PTH2R: variants seen among roughly 807,000 people sequenced by gnomAD.
The protein encoded by PTH2R is PTH2 receptor.
Under a neutral mutation model 60.3 loss-of-function variants are expected in PTH2R, and 59 were observed. The ratio of observed to expected loss-of-function variants is 0.98; its 90% CI spans 0.79 to 1.22. PTH2R has a LOEUF of 1.22. Ranked by LOEUF, PTH2R falls within the 50% of genes most tolerant of loss-of-function variation. The probability of loss-of-function intolerance (pLI) is 0.00; values close to 1 mark genes in which losing one functional copy is unlikely to be tolerated. For synonymous variants in PTH2R, 256 were observed against 243.8 expected (o/e 1.05, Z -0.47); for missense variants, 749 against 682.6 (o/e 1.10, Z -1.08).
Position 208,407,033 on chromosome 2 carries a change from C to G in PTH2R, c.-11C>G. 1 of 1,391,406 alleles carries G rather than the reference C, an allele frequency of 7.2e-7. No individual in the cohort carries two copies. The highest frequency in any genetic ancestry group is 1.9e-5 in the South Asian group (1 of 51,622). The allele number at this position is 1,391,406 out of a possible 1,614,324, so 86.2% of individuals were successfully genotyped here. ...GGAGGGTCCCTGCTTCTTCCTACAG[C>G]CGTTCCGGGCATGGCCGGGCTGGGG... On this transcript the variant is annotated 5_prime_UTR_variant, in exon 1 of 13. Coordinates refer to ENST00000272847, the MANE Select transcript of PTH2R (RefSeq NM_005048.4).
At chr2:208,365,927 TA>T (rs1559198704) in intron 1 of PTH2R, among the ~76,000 whole-genome samples, 1 of 53,412 alleles carries the variant, frequency 1.9e-5, no homozygotes, top group African/African-American at 8.9e-5. Context: ...ATATAATAGA[TA>T]AATATATATA....
chr2:208,424,608 G>A (rs1163766690), intron 1 of PTH2R, among the ~76,000 whole-genome samples: 1 of 152,162 alleles, frequency 6.6e-6, no homozygotes, highest in Non-Finnish European at 1.5e-5. Flanking sequence ...GTCCCTTGGT[G>A]CTGAGATGCA....
At chr2:208,482,066 A>C (rs1703165129) in intron 10 of PTH2R, among the ~76,000 whole-genome samples, 1 of 152,196 alleles carries the variant, frequency 6.6e-6, no homozygotes, top group Non-Finnish European at 1.5e-5. Flanking sequence ...TTGGCTTTAT[A>C]ATCTCCAGTT....
At chr2:208,390,775 TA>T (rs1052606819) in intron 1 of PTH2R, among the ~76,000 whole-genome samples, 26 of 152,268 alleles carry the variant, frequency 1.7e-4, no homozygotes, top group African/African-American at 5.8e-4. Flanking sequence ...GCATAGTAAA[TA>T]ATTTCCATCA....
rs1186031352 is a variant in PTH2R, at chr2:208,450,770, C to T, written c.875C>T (p.Ala292Val). The T allele has an allele frequency of 6.2e-7, 1 of 1,613,918 alleles. No individual in the cohort carries two copies. Among genetic ancestry groups the T allele is most frequent in the East Asian group, 2.2e-5 (1 of 44,874 alleles). The change falls in exon 8 of 13, where the codon GCA (alanine) becomes GTA (valine). Residue 292 changes from alanine (A) to valine (V), a missense_variant. Transcript: ENST00000272847. ...TCAGGGTTTCCAGCAGCATTTGTTG[C>T]AGCATGGGCTGTGGCACGAGCAACT... Reference protein sequence around the residue: ...IGWGFPAAFVAAWAVARATLA... With the variant: ...IGWGFPAAFVVAWAVARATLA...
intron 1 of PTH2R, among the ~76,000 whole-genome samples, chr2:208,407,960 A>G (rs1314933965): frequency 6.6e-6 from 1 of 152,246 alleles, no homozygotes; most frequent in Admixed American, 6.5e-5. Flanking sequence ...AATTCAAAGC[A>G]GTGATTTATG....
At chr2:208,400,450 G>A (rs1401968787) in intron 1 of PTH2R, among the ~76,000 whole-genome samples, 1 of 152,182 alleles carries the variant, frequency 6.6e-6, no homozygotes, top group Non-Finnish European at 1.5e-5. Flanking sequence ...ATTTCCAGGG[G>A]TAGCAAGAGC....
At chr2:208,480,267 G>A (rs1017659612) in intron 9 of PTH2R, among the ~76,000 whole-genome samples, 7 of 152,202 alleles carry the variant, frequency 4.6e-5, no homozygotes, top group African/African-American at 1.4e-4. Flanking sequence ...AGGGACAAGT[G>A]CCTACTGTTG....
At chr2:208,434,755 G>A (rs1326927157) in intron 2 of PTH2R, among the ~76,000 whole-genome samples, 1 of 152,182 alleles carries the variant, frequency 6.6e-6, no homozygotes, top group East Asian at 1.9e-4. Context: ...TAATGAAAAG[G>A]TGAATTGAAA....
chr2:208,493,869 G>A lies in PTH2R; in HGVS notation c.*210G>A, dbSNP rs1269880186. The A allele has an allele frequency of 6.3e-5, 27 of 431,334 alleles. No individual in the cohort carries two copies. The East Asian group carries it at 9.5e-4, about 15-fold the overall frequency. 26.7% of individuals were successfully genotyped at this position (431,334 alleles called of 1,614,324 possible). Reference sequence around the variant, plus strand: ...TGGAGTAGTTTATTACCTTCTATTGGCATCAAGTTTTCCTCTAAATTAATG... The same window carrying A: ...TGGAGTAGTTTATTACCTTCTATTGACATCAAGTTTTCCTCTAAATTAATG... On this transcript the variant is annotated 3_prime_UTR_variant, in exon 13 of 13. Transcript: ENST00000272847.
chr2:208,431,403 T>C (rs1347743448), intron 2 of PTH2R, among the ~76,000 whole-genome samples: 1 of 152,192 alleles, frequency 6.6e-6, no homozygotes, highest in Non-Finnish European at 1.5e-5. Flanking sequence ...GGTGGCTTAT[T>C]TCCTTGTGTG....
At chr2:208,425,183 T>C (rs1701832822) in intron 1 of PTH2R, among the ~76,000 whole-genome samples, 1 of 148,808 alleles carries the variant, frequency 6.7e-6, no homozygotes. Context: ...CTTAAGGAGG[T>C]CATAATCATT....
rs34110985 is a variant in PTH2R, at chr2:208,369,366, C to CTTTTTTTTTTT, written c.-259+9130_-259+9131insTTTTTTTTTTT. ...TTGTCTGTAAACAACACTGGTCTCTCTCTCTTTTTTTTTTTTTTTAGAAGG... is the reference window on the plus strand; with the variant it reads ...TTGTCTGTAAACAACACTGGTCTCTCTTTTTTTTTTTTCTCTTTTTTTTTTTTTTTAGAAGG... On this transcript the variant is annotated intron_variant, in intron 1 of 12. Transcript: ENST00000617735. Among the ~76,000 whole-genome samples the CTTTTTTTTTTT allele has an allele frequency of 4.4e-5, 6 of 135,074 alleles. 2 individuals are homozygous for CTTTTTTTTTTT. Among genetic ancestry groups the CTTTTTTTTTTT allele is most frequent in the African/African-American group, 5.7e-5 (2 of 34,828 alleles). The allele number at this position is 135,074 out of a possible 152,430, so 88.6% of individuals were successfully genotyped here.
chr2:208,418,474 A>G (rs1701686703), intron 1 of PTH2R, among the ~76,000 whole-genome samples: 1 of 152,132 alleles, frequency 6.6e-6, no homozygotes, highest in Non-Finnish European at 1.5e-5. Context: ...GAGAATGATA[A>G]TACACCACAA....
intron 10 of PTH2R, among the ~76,000 whole-genome samples, chr2:208,487,725 C>T (rs4675770): frequency 0.58 from 88,316 of 152,038 alleles, 27,882 homozygotes; most frequent in Non-Finnish European, 0.69. Flanking sequence ...TGGTCTTATC[C>T]TAAGGTTGGA....
intron 12 of PTH2R, 34 bp downstream of exon 12, chr2:208,490,714 T>G: frequency 1.3e-6 from 2 of 1,576,676 alleles, no homozygotes; most frequent in East Asian, 4.6e-5. Flanking sequence ...AGGTCTCGCT[T>G]CAGCTTGTAA....
intron 2 of PTH2R, among the ~76,000 whole-genome samples, chr2:208,432,115 A>G (rs1701985099): frequency 6.6e-6 from 1 of 152,210 alleles, no homozygotes; most frequent in Admixed American, 6.5e-5. Flanking sequence ...ATTTGAAAGC[A>G]TTATTATCTG....
At chr2:208,439,662 T>C (rs1467398323) in intron 4 of PTH2R, among the ~76,000 whole-genome samples, 1 of 152,178 alleles carries the variant, frequency 6.6e-6, no homozygotes, top group Non-Finnish European at 1.5e-5. Context: ...GAGGTAATTA[T>C]TTTAGTTAAA....
At chr2:208,426,176 T>C (rs1034830858) in intron 1 of PTH2R, among the ~76,000 whole-genome samples, 1 of 152,218 alleles carries the variant, frequency 6.6e-6, no homozygotes, top group African/African-American at 2.4e-5. Context: ...CTTTAGGGGC[T>C]TTTAATAAAG....
Sources: gnomAD v4.1 joint callset for allele counts (sites outside exome capture counted in the v4.1 genomes callset) on GRCh38, gnomAD v4.1.1 for gene constraint, MANE v1.5 for transcripts, NCBI Gene and HGNC (gene_info 2026-07-23, HGNC 2026-07-21) for gene names.